The following ZFYVE26 variants were observed in gnomAD, a reference collection of about 807,000 sequenced individuals.
ZFYVE26 encodes the protein zinc finger FYVE domain-containing protein 26.
In ZFYVE26, 181 loss-of-function variants were observed where a neutral mutation model predicts 276.5. That is an observed-to-expected ratio of 0.65 (90% CI 0.58 to 0.74). The LOEUF is 0.74. ZFYVE26 is among the 30% of genes least tolerant of loss of function. ZFYVE26 has a pLI of 0.00. For missense variants in ZFYVE26, 2,821 were observed against 3,097.9 expected, an observed-to-expected ratio of 0.91 and a Z score of 2.12; for synonymous variants, 1,129 against 1,203.1, an observed-to-expected ratio of 0.94 and a Z score of 1.27.
chr14:67,764,670 A>C (rs2039012732), intron 32 of ZFYVE26, among the ~76,000 whole-genome samples: 1 of 152,200 alleles, frequency 6.6e-6, no homozygotes, highest in African/African-American at 2.4e-5. Context: ...CCCATCAACA[A>C]ACTGGTGCAA....
intron 10 of ZFYVE26, chr14:67,799,106 GA>G (rs938329376): frequency 1.5e-6 from 2 of 1,300,682 alleles, no homozygotes; most frequent in African/African-American, 2.9e-5. Flanking sequence ...GCTCACCCAA[GA>G]CCTAGACTAG....
rs78372958 is a variant in ZFYVE26, at chr14:67,771,370, C to T, written c.5484+677G>A. On this transcript the variant is annotated intron_variant, in intron 28 of 41. Transcript: ENST00000347230. ...TATGTACCACTTTTCTTTATCCAGT[C>T]TACAGTGGATGGGCATCAAAGTGAC... 2.4e-3 allele frequency among the ~76,000 whole-genome samples: 371 copies of T among 152,242 alleles called. 2 individuals are homozygous for T. The highest frequency in any genetic ancestry group is 8.6e-3 in the African/African-American group (359 of 41,550).
At chr14:67,812,912 T>C (rs2040332453) in intron 3 of ZFYVE26, among the ~76,000 whole-genome samples, 1 of 152,236 alleles carries the variant, frequency 6.6e-6, no homozygotes. Flanking sequence ...CATAGCCAAC[T>C]CTTAATGATG....
chr14:67,767,654 C>T (rs765809615), intron 31 of ZFYVE26, 50 bp downstream of exon 31: 2 of 1,613,284 alleles, frequency 1.2e-6, no homozygotes, highest in South Asian at 1.1e-5. Context: ...TGTCATACTG[C>T]TACACATCAT....
rs34041446 is a variant in ZFYVE26, at chr14:67,792,913, C to CAAAAAAAAAA, written c.2553+685_2553+694dup. On this transcript the variant is annotated intron_variant, in intron 14 of 41. Coordinates refer to ENST00000347230, the MANE Select transcript of ZFYVE26 (RefSeq NM_015346.4). ...CTGGGTGACAAAAGCAAATCTGTCT[C>CAAAAAAAAAA]AAAAAAAAAAAAAAAAAAAAAGAAA... 2.5e-4 allele frequency among the ~76,000 whole-genome samples: 14 copies of CAAAAAAAAAA among 56,798 alleles called. 2 individuals carry two copies. The highest frequency in any genetic ancestry group is 1.2e-3 in the East Asian group (2 of 1,720). The allele number at this position is 56,798 out of a possible 152,430, so 37.3% of individuals were successfully genotyped here.
At chr14:67,780,629 C>T (rs1800560707) in intron 22 of ZFYVE26, among the ~76,000 whole-genome samples, 1 of 152,214 alleles carries the variant, frequency 6.6e-6, no homozygotes, top group Non-Finnish European at 1.5e-5. Flanking sequence ...GTTCTGGGGT[C>T]ACCTGTCCCA....
At chr14:67,814,734 T>G (rs2040368157) in intron 2 of ZFYVE26, among the ~76,000 whole-genome samples, 1 of 152,218 alleles carries the variant, frequency 6.6e-6, no homozygotes, top group African/African-American at 2.4e-5. Context: ...TCATACAAAT[T>G]TATTTTTAAC....
At chr14:67,776,185 G>C (rs1250021032) in intron 25 of ZFYVE26, 79 bp from the exon 26 acceptor site, 6 of 1,598,044 alleles carry the variant, frequency 3.8e-6, no homozygotes, top group Non-Finnish European at 5.1e-6. Context: ...CACTGGGAAG[G>C]GGAAGGGTGC....
rs2140211014 is a variant in ZFYVE26 at position 67,775,006 on chromosome 14, C to T, written c.5320+10G>A. On this transcript the variant is annotated intron_variant, in intron 27 of 41. Transcript: ENST00000347230. ...AAAAATTTTAGTGAATCATCAGAGC[C>T]AGTTCTTACCAGGAGGAGCAGCAGG... 1 of 1,598,878 alleles carries T rather than the reference C, an allele frequency of 6.3e-7. No individual in the cohort carries two copies. The highest frequency in any genetic ancestry group is 1.7e-5 in the Admixed American group (1 of 58,812).
At chr14:67,768,428 C>A in intron 30 of ZFYVE26, 89 bp downstream of exon 30, 1 of 1,427,666 alleles carries the variant, frequency 7.0e-7, no homozygotes, top group Non-Finnish European at 9.9e-7. Flanking sequence ...ATAAGTTGGA[C>A]AAGTATATCA....
At chr14:67,811,931 C>G (rs2040311012) in intron 3 of ZFYVE26, among the ~76,000 whole-genome samples, 1 of 140,586 alleles carries the variant, frequency 7.1e-6, no homozygotes, top group Admixed American at 7.6e-5. Flanking sequence ...AAATATATAT[C>G]ACATATGAAA....
intron 21 of ZFYVE26, among the ~76,000 whole-genome samples, chr14:67,782,096 A>AT (rs2140221563): frequency 6.6e-6 from 1 of 152,206 alleles, no homozygotes; most frequent in East Asian, 1.9e-4. Flanking sequence ...TCAAGGATGG[A>AT]TTTTCTCCTT....
intron 21 of ZFYVE26, among the ~76,000 whole-genome samples, chr14:67,782,216 A>G (rs1481094600): frequency 6.6e-6 from 1 of 151,986 alleles, no homozygotes; most frequent in East Asian, 1.9e-4. Flanking sequence ...TTGGCTTTCC[A>G]CTCTGGTTAC....
chr14:67,805,457 G>C lies in ZFYVE26; in HGVS notation c.1179C>G (p.Thr393=). ...AKRLLQTLHR[T]QGPGCDELLR... is the part of the protein sequence containing the mutation. The stretch of plus-strand genomic sequence containing the variant: ...TGGGATGCTGAGTGAGAGTTACCTG[G>C]GTCCTGTGCAGGGTCTGGAGCAGCC... The change falls in exon 7 of 42, where the codon ACC becomes ACG. Residue 393 remains threonine, a synonymous_variant. Coordinates refer to ENST00000347230, the MANE Select transcript of ZFYVE26 (RefSeq NM_015346.4). 1 of 1,614,180 alleles carries C rather than the reference G, an allele frequency of 6.2e-7. No homozygotes were observed. Among genetic ancestry groups the C allele is most frequent in the Non-Finnish European group, 8.5e-7 (1 of 1,180,036 alleles).
At position 67,755,207 on chromosome 14, in the gene ZFYVE26, T is replaced by A; in HGVS notation, c.6830A>T (p.His2277Leu). 6.2e-7 allele frequency: 1 copy of A among 1,614,202 alleles called. No individual in the cohort carries two copies. The highest frequency in any genetic ancestry group is 8.5e-7 in the Non-Finnish European group (1 of 1,180,042). The change falls in exon 37 of 42, where the codon CAC becomes CTC. Residue 2277 changes from histidine to leucine, a missense_variant. Transcript: ENST00000347230. ...CAGTTCTGTATATGACTTTGCTTTG[T>A]GACTGAAGAACCGAATACAGGTCAT... ...AAMTCIRFFS[H>L]KAKSYTELGE...
rs778973785 is a variant in ZFYVE26 at position 67,761,629 on chromosome 14, T to G, written c.6370-45A>C. ...GAGAGAAAAATGAAACTCAAAAAGT[T>G]CTCAGCAGGCACTGAAAATATTGCT... On this transcript the variant is annotated intron_variant, in intron 34 of 41. Transcript: ENST00000347230. 24 of 1,552,112 alleles carry G rather than the reference T, an allele frequency of 1.5e-5. No individual in the cohort carries two copies. In the Admixed American group the frequency reaches 4.3e-4, roughly 28 times the overall value.
chr14:67,756,333 T>G (rs1439573657), intron 35 of ZFYVE26, 188 bp from the exon 36 acceptor site: 1 of 680,446 alleles, frequency 1.5e-6, no homozygotes, highest in Non-Finnish European at 2.6e-6. Context: ...CTCTCCTTCC[T>G]TTTACAGAGA....
chr14:67,788,205 A>G (rs991790068), intron 16 of ZFYVE26, among the ~76,000 whole-genome samples: 4 of 152,150 alleles, frequency 2.6e-5, no homozygotes, highest in African/African-American at 7.2e-5. Flanking sequence ...CCTGACCAAC[A>G]TGGTGAAACC....
At chr14:67,769,162 G>A (rs984677172) in intron 29 of ZFYVE26, among the ~76,000 whole-genome samples, 59 of 152,110 alleles carry the variant, frequency 3.9e-4, no homozygotes, top group East Asian at 3.9e-4. Context: ...TTCTAATTAC[G>A]GATTACAAGC....
Sources: allele counts gnomAD v4.1 joint callset (sites outside exome capture counted in the v4.1 genomes callset), GRCh38; gene constraint gnomAD v4.1.1; transcripts MANE v1.5; gene names NCBI Gene and HGNC (gene_info 2026-07-23, HGNC 2026-07-21).